TNR: variants seen among roughly 807,000 people sequenced by gnomAD.
The protein encoded by TNR is tenascin-R.
TNR carries 45 observed loss-of-function variants against 150.4 expected under a neutral mutation model. The observed-to-expected ratio is 0.30, with a 90% CI of 0.24 to 0.38. TNR has a LOEUF of 0.38. Among genes scored for constraint, TNR ranks in the 10% least tolerant of loss-of-function variants. The pLI is 1.00. For synonymous variants in TNR, 687 were observed against 678.4 expected, an observed-to-expected ratio of 1.01 and a Z score of -0.20; for missense variants, 1,544 against 1,759.1, an observed-to-expected ratio of 0.88 and a Z score of 2.19.
chr1:175,700,246 T>C (rs1666649832), intron 1 of TNR, among the ~76,000 whole-genome samples: 1 of 151,822 alleles, frequency 6.6e-6, no homozygotes, highest in African/African-American at 2.4e-5. Context: ...CCCTGACACA[T>C]CCAGTCATGG....
At chr1:175,722,387 A>T (rs1667329554) in intron 1 of TNR, among the ~76,000 whole-genome samples, 1 of 152,128 alleles carries the variant, frequency 6.6e-6, no homozygotes, top group African/African-American at 2.4e-5. Flanking sequence ...TCATGAATGG[A>T]CGCCAATACT....
At chr1:175,480,024 A>G (rs1657714482) in intron 2 of TNR, among the ~76,000 whole-genome samples, 1 of 152,106 alleles carries the variant, frequency 6.6e-6, no homozygotes, top group Non-Finnish European at 1.5e-5. Context: ...GAGAAGGAGC[A>G]GAGGGAGGAG....
At chr1:175,637,797 G>A (rs73033352) in intron 1 of TNR, among the ~76,000 whole-genome samples, 2,168 of 152,220 alleles carry the variant, frequency 0.014, 51 homozygotes, top group African/African-American at 0.05. Context: ...ATTGTCTAAA[G>A]CTTGTCTCAG....
chr1:175,371,269 T>C (rs899581153), intron 9 of TNR, among the ~76,000 whole-genome samples: 2 of 152,224 alleles, frequency 1.3e-5, no homozygotes, highest in Non-Finnish European at 2.9e-5. Flanking sequence ...AGAAAATTCA[T>C]CCCATAGGAA....
At chr1:175,340,161 C>A (rs1391734897) in intron 18 of TNR, among the ~76,000 whole-genome samples, 2 of 152,086 alleles carry the variant, frequency 1.3e-5, no homozygotes, top group East Asian at 1.9e-4. Context: ...AGATTACACC[C>A]TGGGAGAGGA....
In TNR at chr1:175,356,563, ATTTTGG is replaced by A; in HGVS notation, c.2975-107_2975-102del. Reference sequence around the variant, plus strand: ...TTTCACATGGATTTACTACTAGAGAATTTTGGAAAAAAATCTTTCATAGGTTATCTA... The same window carrying A: ...TTTCACATGGATTTACTACTAGAGAAAAAAAAATCTTTCATAGGTTATCTA... On this transcript the variant is annotated intron_variant, in intron 15 of 22. Transcript: ENST00000367674. The A allele has an allele frequency of 1.4e-5, 20 of 1,443,112 alleles. No individual in the cohort carries two copies. In the Admixed American group the frequency reaches 2.3e-4, roughly 17 times the overall value. 89.4% of individuals were successfully genotyped at this position (1,443,112 alleles called of 1,614,324 possible).
At chr1:175,717,379 C>T (rs1667183324) in intron 1 of TNR, among the ~76,000 whole-genome samples, 1 of 152,068 alleles carries the variant, frequency 6.6e-6, no homozygotes, top group Non-Finnish European at 1.5e-5. Context: ...TACCCCAAAC[C>T]TCAGCATCAC....
intron 1 of TNR, among the ~76,000 whole-genome samples, chr1:175,611,434 T>C (rs1663594673): frequency 2.0e-5 from 3 of 152,086 alleles, no homozygotes; most frequent in Admixed American, 1.3e-4. Context: ...CTGGACTTAA[T>C]CAACCCTCCT....
At chr1:175,663,845 C>G (rs1341926781) in intron 1 of TNR, among the ~76,000 whole-genome samples, 1 of 152,228 alleles carries the variant, frequency 6.6e-6, no homozygotes, top group Admixed American at 6.5e-5. Flanking sequence ...GGCATCATAT[C>G]ACCCAATTGA....
At chr1:175,638,476 G>T (rs1220159489) in intron 1 of TNR, among the ~76,000 whole-genome samples, 3 of 152,194 alleles carry the variant, frequency 2.0e-5, no homozygotes, top group Admixed American at 1.3e-4. Context: ...GGGCACTCGT[G>T]CATATGGCTT....
At chr1:175,505,923 C>G (rs1658941676) in intron 2 of TNR, among the ~76,000 whole-genome samples, 1 of 152,174 alleles carries the variant, frequency 6.6e-6, no homozygotes, top group African/African-American at 2.4e-5. Context: ...GCCTATAATC[C>G]CAGCTACTCG....
chr1:175,431,095 G>T (rs899615029), intron 2 of TNR, among the ~76,000 whole-genome samples: 1 of 152,116 alleles, frequency 6.6e-6, no homozygotes, highest in Non-Finnish European at 1.5e-5. Flanking sequence ...ACAGGGCCCA[G>T]GGAGCAGCCT....
chr1:175,509,475 A>G (rs535116261), intron 2 of TNR, among the ~76,000 whole-genome samples: 1 of 151,922 alleles, frequency 6.6e-6, no homozygotes, highest in South Asian at 2.1e-4. Flanking sequence ...CTTGGCTCTT[A>G]TCTCCTTTTC....
chr1:175,737,139 T>TGGGCAAGCACGTTAGCCTC (rs1430721698), intron 1 of TNR, among the ~76,000 whole-genome samples: 1 of 152,208 alleles, frequency 6.6e-6, no homozygotes, highest in Non-Finnish European at 1.5e-5. Context: ...TGTGTGGCCT[T>TGGGCAAGCACGTTAGCCTC]GGGCAAGCAC....
intron 1 of TNR, among the ~76,000 whole-genome samples, chr1:175,660,724 T>C (rs1665341450): frequency 6.6e-6 from 1 of 152,170 alleles, no homozygotes; most frequent in Non-Finnish European, 1.5e-5. Context: ...CTTGGATGCA[T>C]AGAGCTACTG....
chr1:175,691,117 C>T (rs998444940), intron 1 of TNR, among the ~76,000 whole-genome samples: 1 of 151,138 alleles, frequency 6.6e-6, no homozygotes, highest in South Asian at 2.1e-4. Context: ...TTGGATAGCA[C>T]CATGGACAGC....
At chr1:175,483,111 C>T (rs1571503768) in intron 2 of TNR, among the ~76,000 whole-genome samples, 1 of 152,190 alleles carries the variant, frequency 6.6e-6, no homozygotes, top group South Asian at 2.1e-4. Context: ...AGGAGCTGTG[C>T]CAGGCGCCAG....
At chr1:175,349,445 A>G (rs1650954635) in intron 18 of TNR, among the ~76,000 whole-genome samples, 2 of 152,350 alleles carry the variant, frequency 1.3e-5, no homozygotes, top group Non-Finnish European at 1.5e-5. Flanking sequence ...GACAACACGG[A>G]TGGGTCTGAA....
chr1:175,366,561 T>G (rs988601457), intron 10 of TNR, among the ~76,000 whole-genome samples: 1 of 152,234 alleles, frequency 6.6e-6, no homozygotes, highest in African/African-American at 2.4e-5. Flanking sequence ...GTTCTAACCA[T>G]AGCCAGGCAG....
Sources: gnomAD v4.1 joint callset for allele counts (sites outside exome capture counted in the v4.1 genomes callset) on GRCh38, gnomAD v4.1.1 for gene constraint, MANE v1.5 for transcripts, NCBI Gene and HGNC (gene_info 2026-07-23, HGNC 2026-07-21) for gene names.